The following HTR4 variants were observed in gnomAD, a reference collection of about 807,000 sequenced individuals.
HTR4 encodes the protein 5-hydroxytryptamine (serotonin) receptor 4, G protein-coupled.
Under a neutral mutation model 36.8 loss-of-function variants are expected in HTR4, and 16 were observed. The ratio of observed to expected loss-of-function variants is 0.43; its 90% confidence interval spans 0.29 to 0.66. The LOEUF is 0.66. Among genes scored for constraint, HTR4 ranks in the 30% least tolerant of loss-of-function variants. The probability of loss-of-function intolerance (pLI) is 0.13; values close to 1 mark genes in which losing one functional copy is unlikely to be tolerated. For synonymous variants in HTR4, 189 were observed against 185.1 expected (o/e 1.02, Z -0.17); for missense variants, 438 against 490.9 (o/e 0.89, Z 1.02).
chr5:148,609,717 C>A (rs1752330473), intron 2 of HTR4, among the ~76,000 whole-genome samples: 1 of 152,092 alleles, frequency 6.6e-6, no homozygotes, highest in African/African-American at 2.4e-5. Flanking sequence ...AGGCGCCCAC[C>A]ACCATGCCCG....
At chr5:148,457,488 C>G (rs1429486154) in intron 5 of HTR4, among the ~76,000 whole-genome samples, 1 of 151,948 alleles carries the variant, frequency 6.6e-6, no homozygotes, top group Admixed American at 6.6e-5. Flanking sequence ...ATAATAGCCC[C>G]CTCTGCCTGC....
intron 5 of HTR4, among the ~76,000 whole-genome samples, chr5:148,451,850 G>A (rs899834457): frequency 2.6e-5 from 4 of 152,102 alleles, no homozygotes; most frequent in African/African-American, 7.2e-5. Context: ...TTTTTCTGCC[G>A]TATCATACAA....
At chr5:148,650,469 C>T (rs919709737) in intron 1 of HTR4, among the ~76,000 whole-genome samples, 5 of 152,090 alleles carry the variant, frequency 3.3e-5, no homozygotes, top group African/African-American at 1.2e-4. Context: ...TCCCTCTGTG[C>T]AAATCTGTAC....
chr5:148,565,418 C>T (rs1760392212), intron 2 of HTR4, among the ~76,000 whole-genome samples: 1 of 151,996 alleles, frequency 6.6e-6, no homozygotes, highest in African/African-American at 2.4e-5. Context: ...GGAGTTTTTC[C>T]AGACACAACT....
chr5:148,571,971 T>C (rs1760695927), intron 2 of HTR4, among the ~76,000 whole-genome samples: 2 of 152,120 alleles, frequency 1.3e-5, no homozygotes, highest in South Asian at 2.1e-4. Context: ...GTGTGTTCAT[T>C]TGAGTGTGTG....
At chr5:148,537,995 A>T (rs1236994613) in intron 4 of HTR4, among the ~76,000 whole-genome samples, 1 of 152,194 alleles carries the variant, frequency 6.6e-6, no homozygotes, top group African/African-American at 2.4e-5. Context: ...ATTACTTGCA[A>T]ACTGAATCCA....
chr5:148,561,619 G>A (rs1033298007), intron 2 of HTR4, among the ~76,000 whole-genome samples: 2 of 149,504 alleles, frequency 1.3e-5, no homozygotes, highest in South Asian at 4.2e-4. Flanking sequence ...GGTTTGTGTT[G>A]AAAACATTTT....
intron 2 of HTR4, among the ~76,000 whole-genome samples, chr5:148,614,301 C>T (rs1752568136): frequency 1.3e-5 from 2 of 150,430 alleles, no homozygotes; most frequent in Admixed American, 1.3e-4. Context: ...GCTACAGTAA[C>T]CAAAACAGCA....
chr5:148,513,011 T>C (rs115223828), intron 5 of HTR4, among the ~76,000 whole-genome samples: 2,173 of 151,992 alleles, frequency 0.014, 27 homozygotes, highest in Middle Eastern at 0.048. Context: ...TTTATGTCTT[T>C]TTTTTTTACA....
At chr5:148,643,396 A>G (rs1753784662) in intron 1 of HTR4, among the ~76,000 whole-genome samples, 1 of 152,200 alleles carries the variant, frequency 6.6e-6, no homozygotes, top group African/African-American at 2.4e-5. Flanking sequence ...GCTGAATGGG[A>G]TATATCTAGT....
chr5:148,617,156 C>T (rs1752728258), intron 2 of HTR4, among the ~76,000 whole-genome samples: 1 of 152,126 alleles, frequency 6.6e-6, no homozygotes, highest in Admixed American at 6.6e-5. Context: ...GGTTTAATGC[C>T]ATGTTTGTGC....
At chr5:148,613,415 G>A (rs1003116531) in intron 2 of HTR4, among the ~76,000 whole-genome samples, 2 of 151,690 alleles carry the variant, frequency 1.3e-5, no homozygotes, top group Non-Finnish European at 2.9e-5. Context: ...TATAAACAGA[G>A]CCAAAGACAA....
intron 4 of HTR4, among the ~76,000 whole-genome samples, chr5:148,530,923 T>A (rs536434998): frequency 3.5e-4 from 53 of 152,342 alleles, no homozygotes; most frequent in African/African-American, 1.2e-3. Context: ...AAGATTTTAG[T>A]GCCCCACTGT....
chr5:148,643,184 T>A (rs571566584), intron 1 of HTR4, among the ~76,000 whole-genome samples: 9 of 152,274 alleles, frequency 5.9e-5, no homozygotes, highest in African/African-American at 1.4e-4. Context: ...TTAACTTTTT[T>A]AAAAGTAAAT....
intron 1 of HTR4, among the ~76,000 whole-genome samples, chr5:148,652,239 G>A (rs1247276873): frequency 6.6e-6 from 1 of 152,154 alleles, no homozygotes; most frequent in Non-Finnish European, 1.5e-5. Context: ...ATAGATTTAA[G>A]AGGTATTGAG....
intron 5 of HTR4, chr5:148,462,052 T>C (rs960232078): frequency 5.9e-5 from 9 of 151,992 alleles, no homozygotes; most frequent in Non-Finnish European, 1.2e-4. Context: ...TTATAAAATA[T>C]TTTGGACTAA....
chr5:148,594,364 G>GTA (rs1761690361), intron 2 of HTR4, among the ~76,000 whole-genome samples: 1 of 151,846 alleles, frequency 6.6e-6, no homozygotes, highest in African/African-American at 2.4e-5. Context: ...GTGTGTGTGT[G>GTA]TGTGTGTGTG....
At chr5:148,624,018 T>C (rs1021677704) in intron 2 of HTR4, among the ~76,000 whole-genome samples, 2 of 152,198 alleles carry the variant, frequency 1.3e-5, no homozygotes, top group Admixed American at 6.5e-5. Flanking sequence ...AGTGGGCTAT[T>C]TGTATTGCTG....
intron 6 of HTR4, among the ~76,000 whole-genome samples, chr5:148,501,280 C>T (rs1006084033): frequency 2.0e-5 from 3 of 152,066 alleles, no homozygotes; most frequent in African/African-American, 7.2e-5. Context: ...ATCCCATTTA[C>T]ATAGAGTGAG....
Sources: gnomAD v4.1 joint callset for allele counts (sites outside exome capture counted in the v4.1 genomes callset) on GRCh38, gnomAD v4.1.1 for gene constraint, MANE v1.5 for transcripts, NCBI Gene and HGNC (gene_info 2026-07-23, HGNC 2026-07-21) for gene names.